Variants in RAPGEF6 observed in about 807,000 individuals in gnomAD.
RAPGEF6 encodes the protein Rap guanine nucleotide exchange factor 6.
RAPGEF6 carries 56 observed loss-of-function variants against 171.4 expected under a neutral mutation model. The ratio of observed to expected loss-of-function variants is 0.33; its 90% CI spans 0.26 to 0.41. RAPGEF6 has a LOEUF of 0.41. RAPGEF6 is among the 10% of genes least tolerant of loss of function. The pLI is 1.00. For missense variants in RAPGEF6, 1,674 were observed against 1,921.4 expected (o/e 0.87, Z 2.41); for synonymous variants, 692 against 650.1 (o/e 1.06, Z -0.98).
intron 24 of RAPGEF6, chr5:131,436,520 G>GA (rs901427442): frequency 7.8e-6 from 6 of 773,284 alleles, no homozygotes; most frequent in East Asian, 5.4e-5. Context: ...TTAATGCATG[G>GA]AAAAAAATCT....
intron 5 of RAPGEF6, among the ~76,000 whole-genome samples, chr5:131,549,547 A>G (rs1486562071): frequency 6.6e-6 from 1 of 152,182 alleles, no homozygotes; most frequent in African/African-American, 2.4e-5. Flanking sequence ...ATACTGCAAT[A>G]AAAGTTATGT....
At chr5:131,525,099 C>T (rs1758788937) in intron 6 of RAPGEF6, among the ~76,000 whole-genome samples, 1 of 152,100 alleles carries the variant, frequency 6.6e-6, no homozygotes, top group Non-Finnish European at 1.5e-5. Context: ...ATACAGATTT[C>T]AGTAGCAGTC....
chr5:131,528,379 T>C (rs1249548186), intron 6 of RAPGEF6, among the ~76,000 whole-genome samples: 1 of 139,634 alleles, frequency 7.2e-6, no homozygotes, highest in Non-Finnish European at 1.5e-5. Flanking sequence ...GTATGGAGCC[T>C]GTTTTATGGA....
chr5:131,614,107 C>A (rs199991521), intron 1 of RAPGEF6, among the ~76,000 whole-genome samples: 2 of 152,016 alleles, frequency 1.3e-5, no homozygotes, highest in East Asian at 3.9e-4. Context: ...CATGGTGAAA[C>A]CCCATCTCTA....
intron 1 of RAPGEF6, among the ~76,000 whole-genome samples, chr5:131,622,124 A>T (rs927976275): frequency 3.3e-5 from 5 of 152,166 alleles, no homozygotes; most frequent in African/African-American, 1.2e-4. Context: ...AGAGTCATTT[A>T]ATAATCCTAT....
intron 23 of RAPGEF6, chr5:131,440,216 C>T (rs2149812189): frequency 2.2e-6 from 1 of 456,292 alleles, no homozygotes; most frequent in East Asian, 6.9e-5. Flanking sequence ...TTTTCAAGAG[C>T]ACTAAATTCA....
intron 1 of RAPGEF6, among the ~76,000 whole-genome samples, chr5:131,625,565 C>T (rs1765862547): frequency 6.6e-6 from 1 of 152,088 alleles, no homozygotes; most frequent in African/African-American, 2.4e-5. Context: ...CCTGTAATCC[C>T]AGCATTTTGG....
chr5:131,512,090 A>G (rs1243972027), intron 7 of RAPGEF6, among the ~76,000 whole-genome samples: 1 of 152,210 alleles, frequency 6.6e-6, no homozygotes, highest in East Asian at 1.9e-4. Context: ...AGGACACTGA[A>G]CAAGAGAGTC....
In RAPGEF6 at chr5:131,446,651, C is replaced by T. The variant is rs199666846; in HGVS notation, c.3253G>A (p.Ala1085Thr). The T allele has an allele frequency of 1.9e-6, 3 of 1,614,186 alleles. No homozygotes were observed. Among genetic ancestry groups the T allele is most frequent in the East Asian group, 2.2e-5 (1 of 44,886 alleles). The change falls in exon 22 of 28, where the codon GCT (alanine) becomes ACT (threonine). Residue 1085 changes from alanine to threonine, a missense_variant. By Grantham distance (58) the Ala-to-Thr change is moderately conservative. Transcript: ENST00000509018. ...CTGCGGCGTGCCCTTTTTTTGTGAG[C>T]ACCTCCCTGAACATCCAGCATGTTT... ...NSNMLDVQGG[A>T]HKKRARRSSL...
At chr5:131,629,678 G>C (rs1766172706) in intron 1 of RAPGEF6, among the ~76,000 whole-genome samples, 1 of 151,394 alleles carries the variant, frequency 6.6e-6, no homozygotes, top group Non-Finnish European at 1.5e-5. Context: ...ACTTGAGCCT[G>C]GGAAGTAGAG....
rs1286014512 is a variant in RAPGEF6, at chr5:131,431,199, G to C, written c.4125C>G (p.Asn1375Lys). The change falls in exon 26 of 28, where the codon AAC becomes AAG. Residue 1375 changes from asparagine (N) to lysine (K), a missense_variant. Physicochemically the swap from Asn to Lys is moderately conservative, Grantham distance 94 (BLOSUM62 0). Around this residue, in one of 3 missense-constraint regions of RAPGEF6, gnomAD observed 552 missense variants for 574.2 expected, o/e 0.96. Coordinates refer to ENST00000509018, the MANE Select transcript of RAPGEF6 (RefSeq NM_016340.6). ...WTSCSSSSHD[N>K]FQSLPNPKSW... ...TTTTTGGGTTTGGAAGGCTTTGGAA[G>C]TTGTCATGGGAGCTGCTTGAACACG... The C allele has an allele frequency of 1.2e-6, 2 of 1,614,098 alleles. No homozygotes were observed. The highest frequency in any genetic ancestry group is 1.7e-6 in the Non-Finnish European group (2 of 1,180,044).
rs1312757628 is a variant in RAPGEF6, at chr5:131,532,133, A to C, written c.496-10612T>G. 2.0e-5 allele frequency: 9 copies of C among 453,470 alleles called. No individual in the cohort carries two copies. The East Asian group carries it at 6.3e-4, about 32-fold the overall frequency. The allele number at this position is 453,470 out of a possible 1,614,324, so 28.1% of individuals were successfully genotyped here. A position where few individuals can be genotyped will look rare whatever the true frequency, so the allele number is the denominator to read the frequency against. ...GCCCATGGCTGAAGACAATTGGCAT[A>C]ACAGCGAACAAGAAAAGCCATTTCC... On this transcript the variant is annotated intron_variant, in intron 6 of 27. Transcript: ENST00000509018.
intron 25 of RAPGEF6, 41 bp downstream of exon 25, chr5:131,433,389 G>A: frequency 1.3e-6 from 2 of 1,561,142 alleles, no homozygotes; most frequent in Non-Finnish European, 1.8e-6. Flanking sequence ...GTGGCCACTT[G>A]GCTTGGGTTT....
chr5:131,595,455 G>C (rs1580645191), intron 3 of RAPGEF6, among the ~76,000 whole-genome samples: 1 of 152,160 alleles, frequency 6.6e-6, no homozygotes, highest in African/African-American at 2.4e-5. Flanking sequence ...CTTTATGACA[G>C]CGTGAGAATG....
At chr5:131,612,783 TATATC>T (rs533222344) in intron 1 of RAPGEF6, among the ~76,000 whole-genome samples, 110 of 152,304 alleles carry the variant, frequency 7.2e-4, no homozygotes, top group African/African-American at 2.4e-3. Context: ...CAACTAAACT[TATATC>T]ATATAATTTT....
intron 21 of RAPGEF6, chr5:131,450,103 A>G: frequency 1.4e-6 from 2 of 1,481,440 alleles, no homozygotes; most frequent in Non-Finnish European, 1.8e-6. Context: ...AGCACAGAAA[A>G]AAGACAACAG....
At chr5:131,501,755 T>C (rs1029700053) in intron 11 of RAPGEF6, among the ~76,000 whole-genome samples, 1 of 151,996 alleles carries the variant, frequency 6.6e-6, no homozygotes. Flanking sequence ...GGAGAAGGTA[T>C]TTACAAATAT....
intron 4 of RAPGEF6, among the ~76,000 whole-genome samples, chr5:131,569,503 G>A (rs1762146077): frequency 6.6e-6 from 1 of 152,030 alleles, no homozygotes; most frequent in South Asian, 2.1e-4. Context: ...TAGGTAAAAT[G>A]AATATGCAAA....
chr5:131,563,080 C>T (rs1279540759), intron 4 of RAPGEF6, among the ~76,000 whole-genome samples: 1 of 150,416 alleles, frequency 6.6e-6, no homozygotes, highest in East Asian at 2.0e-4. Flanking sequence ...AAAAAAAGCC[C>T]TGTCAACTAT....
Sources: gnomAD v4.1 joint callset for allele counts (sites outside exome capture counted in the v4.1 genomes callset) on GRCh38, gnomAD v4.1.1 for gene constraint, gnomAD v4.1.1 regional missense constraint, MANE v1.5 for transcripts, NCBI Gene and HGNC (gene_info 2026-07-23, HGNC 2026-07-21) for gene names.